TIMP2: variants seen among roughly 807,000 people sequenced by gnomAD.
TIMP2 encodes metalloproteinase inhibitor 2.
Under a neutral mutation model 24.3 loss-of-function variants are expected in TIMP2, and 5 were observed. The observed-to-expected ratio is 0.21, with a 90% CI of 0.11 to 0.43. TIMP2 has a LOEUF of 0.43. Ranked by LOEUF, TIMP2 falls within the 20% of genes least tolerant of loss-of-function variation. The pLI, the probability that TIMP2 is intolerant of heterozygous loss-of-function variation, is 1.00. For missense variants in TIMP2, 221 were observed against 297.5 expected (o/e 0.74, Z 1.89); for synonymous variants, 130 against 123.2 (o/e 1.06, Z -0.37).
intron 1 of TIMP2, among the ~76,000 whole-genome samples, chr17:78,874,985 C>T (rs978005953): frequency 2.0e-5 from 3 of 152,228 alleles, no homozygotes; most frequent in Non-Finnish European, 2.9e-5. Context: ...AGGTGATCCA[C>T]CTGCCTCAGC....
chr17:78,907,552 T>C (rs186044600), intron 1 of TIMP2, among the ~76,000 whole-genome samples: 22 of 152,190 alleles, frequency 1.4e-4, no homozygotes, highest in African/African-American at 5.3e-4. Flanking sequence ...AGACCACTGA[T>C]CACAGATCAC....
At chr17:78,882,030 C>T (rs373402745) in intron 1 of TIMP2, among the ~76,000 whole-genome samples, 2 of 152,152 alleles carry the variant, frequency 1.3e-5, no homozygotes, top group South Asian at 4.1e-4. Flanking sequence ...AATGGCACGA[C>T]GTTGGCTCAC....
At position 78,901,781 on chromosome 17, in the gene TIMP2, T is replaced by C. The variant is rs369246824; in HGVS notation, c.130+23178A>G. 2.1e-4 allele frequency: 150 copies of C among 717,192 alleles called. 3 individuals carry two copies. Among genetic ancestry groups the C allele is most frequent in the African/African-American group, 9.6e-4 (55 of 57,294 alleles). The allele number at this position is 717,192 out of a possible 1,614,324, so 44.4% of individuals were successfully genotyped here. A position where few individuals can be genotyped will look rare whatever the true frequency, so the allele number is the denominator to read the frequency against. The stretch of plus-strand genomic sequence containing the variant: ...AATGCTTGGGGAAGAGGGGTGGTAC[T>C]TACTGTGTGTGTCTCCAGATGACTG... On this transcript the variant is annotated intron_variant, in intron 1 of 4. Coordinates refer to ENST00000262768, the MANE Select transcript of TIMP2 (RefSeq NM_003255.5).
At chr17:78,858,755 G>A (rs1302753793) in intron 3 of TIMP2, among the ~76,000 whole-genome samples, 1 of 151,854 alleles carries the variant, frequency 6.6e-6, no homozygotes, top group Non-Finnish European at 1.5e-5. Context: ...AAACTTCTGC[G>A]CTCAAGCAAT....
chr17:78,871,631 G>A (rs779405206), intron 2 of TIMP2, among the ~76,000 whole-genome samples: 4 of 151,792 alleles, frequency 2.6e-5, no homozygotes, highest in Admixed American at 6.6e-5. Flanking sequence ...CAGATCACGA[G>A]GTCAGAAGAT....
intron 1 of TIMP2, among the ~76,000 whole-genome samples, chr17:78,880,804 C>T (rs1398932229): frequency 6.6e-6 from 1 of 152,262 alleles, no homozygotes; most frequent in Non-Finnish European, 1.5e-5. Context: ...AGGAATCCCA[C>T]ATGCTATATG....
At chr17:78,894,419 G>C (rs2069966075) in intron 1 of TIMP2, among the ~76,000 whole-genome samples, 1 of 152,108 alleles carries the variant, frequency 6.6e-6, no homozygotes, top group Admixed American at 6.5e-5. Flanking sequence ...TAGAATAGTG[G>C]TTAATATTAT....
At chr17:78,869,518 A>C (rs2069653748) in intron 3 of TIMP2, among the ~76,000 whole-genome samples, 1 of 152,144 alleles carries the variant, frequency 6.6e-6, no homozygotes, top group African/African-American at 2.4e-5. Flanking sequence ...TTAAAAAGTA[A>C]GGACATTTTG....
chr17:78,878,810 C>G (rs2069752958), intron 1 of TIMP2, among the ~76,000 whole-genome samples: 1 of 152,212 alleles, frequency 6.6e-6, no homozygotes, highest in Non-Finnish European at 1.5e-5. Flanking sequence ...CTGCTTTAGT[C>G]TGCCCCTGGG....
chr17:78,867,883 G>A (rs907489470), intron 3 of TIMP2, among the ~76,000 whole-genome samples: 2 of 152,156 alleles, frequency 1.3e-5, no homozygotes, highest in Admixed American at 6.5e-5. Context: ...ACAGGCGTGA[G>A]CCACCTCGCC....
chr17:78,856,654 T>G (rs1019433548), intron 4 of TIMP2: 5 of 152,392 alleles, frequency 3.3e-5, no homozygotes, highest in Non-Finnish European at 7.3e-5. Flanking sequence ...GGCGGTAATC[T>G]CACCTTCCAC....
rs572964072 is a variant in TIMP2, at chr17:78,889,291, G to C, written c.131-15372C>G. ...GTCTCCATGGCTCTGGTGGATGCCA[G>C]GTCAGTGGCAAAGCTAGCGGGGAGG... is the stretch of plus-strand genomic sequence containing the variant. On this transcript the variant is annotated intron_variant, in intron 1 of 4. Coordinates refer to ENST00000262768, the MANE Select transcript of TIMP2 (RefSeq NM_003255.5). Among the ~76,000 whole-genome samples the C allele has an allele frequency of 1.9e-3, 296 of 152,322 alleles. 2 individuals carry two copies. Among genetic ancestry groups the C allele is most frequent in the African/African-American group, 7.0e-3 (291 of 41,566 alleles).
intron 1 of TIMP2, among the ~76,000 whole-genome samples, chr17:78,917,794 G>A (rs1447805714): frequency 1.3e-5 from 2 of 152,126 alleles, no homozygotes; most frequent in African/African-American, 2.4e-5. Flanking sequence ...GGTCTGCCTC[G>A]GACTCCCCTC....
chr17:78,925,089 G>T lies in TIMP2; in HGVS notation c.-1C>A. ...GCAGGGTGCGGGCCGCGGCGCCCAT[G>T]GCGGGCCGGGGGGCTGGGCGGGCGG... is the stretch of plus-strand genomic sequence containing the variant. On this transcript the variant is annotated 5_prime_UTR_variant, in exon 1 of 5. Coordinates refer to ENST00000262768, the MANE Select transcript of TIMP2 (RefSeq NM_003255.5). 1 of 1,015,564 alleles carries T rather than the reference G, an allele frequency of 9.8e-7. No homozygotes were observed. Among genetic ancestry groups the T allele is most frequent in the East Asian group, 8.1e-5 (1 of 12,402 alleles). The allele number at this position is 1,015,564 out of a possible 1,614,324, so 62.9% of individuals were successfully genotyped here.
At chr17:78,893,875 G>T (rs1286398001) in intron 1 of TIMP2, among the ~76,000 whole-genome samples, 1 of 152,122 alleles carries the variant, frequency 6.6e-6, no homozygotes. Flanking sequence ...AAAACAGTAC[G>T]GGATTGTGTC....
rs1037778269 is a variant in TIMP2, at chr17:78,920,374, G to C, written c.130+4585C>G. 3.3e-5 allele frequency among the ~76,000 whole-genome samples: 5 copies of C among 152,176 alleles called. No individual in the cohort carries two copies. The highest frequency in any genetic ancestry group is 4.8e-5 in the African/African-American group (2 of 41,426). On this transcript the variant is annotated intron_variant, in intron 1 of 4. Transcript: ENST00000262768. This position sits in a 1 kb window ranked among gnomAD's most constrained non-coding sequence, Gnocchi z 4.5. ...TGCACCCCCAGAAGGGTGCAAATAG[G>C]GGAGGCCCGAGAGGCTCTGAGGCTG... is the stretch of plus-strand genomic sequence containing the variant.
intron 1 of TIMP2, chr17:78,892,544 T>C: frequency 6.8e-7 from 1 of 1,467,234 alleles, no homozygotes; most frequent in South Asian, 1.4e-5. Context: ...CACGGGATTC[T>C]CACTGTGAGG....
chr17:78,900,649 A>G (rs1239279472), intron 1 of TIMP2, among the ~76,000 whole-genome samples: 2 of 152,194 alleles, frequency 1.3e-5, no homozygotes, highest in Non-Finnish European at 2.9e-5. Flanking sequence ...GACCTTATCA[A>G]TTCAAAGCTG....
chr17:78,888,605 G>A (rs963137956), intron 1 of TIMP2, among the ~76,000 whole-genome samples: 4 of 152,078 alleles, frequency 2.6e-5, no homozygotes, highest in African/African-American at 7.2e-5. Context: ...GGTGCAGGCC[G>A]CTATGCTCAG....
Sources: allele counts gnomAD v4.1 joint callset (sites outside exome capture counted in the v4.1 genomes callset), GRCh38; gene constraint gnomAD v4.1.1; non-coding constraint Gnocchi (gnomAD v3.1); transcripts MANE v1.5; gene names NCBI Gene and HGNC (gene_info 2026-07-23, HGNC 2026-07-21).